AP2A2: variants seen among roughly 807,000 people sequenced by gnomAD.
AP2A2 encodes the protein adaptor related protein complex 2 subunit alpha 2, also known as AP-2 complex subunit alpha-2.
AP2A2 carries 32 observed loss-of-function variants against 104.2 expected under a neutral mutation model. That is an observed-to-expected ratio of 0.31 (90% CI 0.23 to 0.41). AP2A2 has a LOEUF of 0.41. AP2A2 is among the 10% of genes least tolerant of loss of function. The probability of loss-of-function intolerance (pLI) is 1.00; values close to 1 mark genes in which losing one functional copy is unlikely to be tolerated. For synonymous variants in AP2A2, 539 were observed against 533.3 expected (o/e 1.01, Z -0.15); for missense variants, 912 against 1,261.0 (o/e 0.72, Z 4.19).
rs1854356827 is a variant in AP2A2, at chr11:959,518, A to G, written c.136+13A>G. On this transcript the variant is annotated intron_variant, in intron 2 of 21. Transcript: ENST00000448903. ...TCAAAATTTAAAGGTAAGTATGTTT[A>G]ACCTTTTCCATGAAATGTCCTGTTG... 6.6e-7 allele frequency: 1 copy of G among 1,505,596 alleles called. No individual in the cohort carries two copies. The highest frequency in any genetic ancestry group is 9.2e-7 in the Non-Finnish European group (1 of 1,092,644). The allele number at this position is 1,505,596 out of a possible 1,614,324, so 93.3% of individuals were successfully genotyped here. A position where few individuals can be genotyped will look rare whatever the true frequency, so the allele number is the denominator to read the frequency against.
chr11:946,129 C>T (rs756289608), intron 1 of AP2A2, among the ~76,000 whole-genome samples: 24 of 152,148 alleles, frequency 1.6e-4, no homozygotes, highest in African/African-American at 4.3e-4. Context: ...TGTCAGAACG[C>T]GAAATTAACC....
chr11:964,803 T>G lies in AP2A2; in HGVS notation c.136+5298T>G, dbSNP rs1854558789. Among the ~76,000 whole-genome samples, 3 of 135,568 alleles carry G rather than the reference T, an allele frequency of 2.2e-5. 1 individual carries two copies. Among genetic ancestry groups the G allele is most frequent in the South Asian group, 2.2e-4 (1 of 4,600 alleles). The allele number at this position is 135,568 out of a possible 152,430, so 88.9% of individuals were successfully genotyped here. A position where few individuals can be genotyped will look rare whatever the true frequency, so the allele number is the denominator to read the frequency against. ...AAGGAAATAATCCCAGATGGAAGCG[T>G]GGAAATGGAAAGCATGGAACGGGCA... On this transcript the variant is annotated intron_variant, in intron 2 of 21. Transcript: ENST00000448903.
At chr11:967,934 A>G (rs1854678218) in intron 2 of AP2A2, among the ~76,000 whole-genome samples, 1 of 152,146 alleles carries the variant, frequency 6.6e-6, no homozygotes, top group Non-Finnish European at 1.5e-5. Context: ...TAAAAAAGTA[A>G]TTCTAGCCTA....
chr11:977,335 G>C, intron 5 of AP2A2, 111 bp downstream of exon 5: 2 of 1,414,806 alleles, frequency 1.4e-6, no homozygotes, highest in Admixed American at 5.2e-5. Flanking sequence ...GGCTGTCACA[G>C]GGGCTGCTGT....
Position 970,213 on chromosome 11 carries a change from A to C in AP2A2, c.181A>C (p.Lys61Gln). ...DGYSKKKYVC[K>Q]LLFIFLLGHD... ...CTATAGTAAAAAAAAGTACGTCTGC[A>C]AGTTGCTCTTCATCTTTCTCCTTGG... is the stretch of plus-strand genomic sequence containing the variant. Residue 61 changes from lysine to glutamine, a missense_variant, in exon 3 of 22, where the codon AAG (lysine) becomes CAG (glutamine). Physicochemically the swap from Lys to Gln is moderately conservative, Grantham distance 53 (BLOSUM62 1). This residue lies in a region of AP2A2 where 17 missense variants were observed against 57.3 expected (regional missense o/e 0.30). Transcript: ENST00000448903. 1 of 1,614,000 alleles carries C rather than the reference A, an allele frequency of 6.2e-7. No individual in the cohort carries two copies.
At chr11:995,608 C>G (rs1046980567) in intron 14 of AP2A2, among the ~76,000 whole-genome samples, 2 of 151,322 alleles carry the variant, frequency 1.3e-5, no homozygotes, top group African/African-American at 4.9e-5. Context: ...TCCTGGCACT[C>G]CTTGGCGGGG....
At chr11:978,391 G>C (rs1009535872) in intron 5 of AP2A2, among the ~76,000 whole-genome samples, 1 of 152,202 alleles carries the variant, frequency 6.6e-6, no homozygotes, top group Non-Finnish European at 1.5e-5. Context: ...TTTCAGGGTG[G>C]CAGGGCCTTG....
chr11:940,645 G>A (rs1353040507), intron 1 of AP2A2: 3 of 354,212 alleles, frequency 8.5e-6, no homozygotes, highest in Non-Finnish European at 1.7e-5. Context: ...TTCCTTTGGC[G>A]TTTCCTTCTG....
chr11:984,589 C>G lies in AP2A2; in HGVS notation c.706-56C>G, dbSNP rs116340986. 893 of 1,425,876 alleles carry G rather than the reference C, an allele frequency of 6.3e-4. 4 individuals are homozygous for G. In the African/African-American group the frequency reaches 0.012, roughly 18 times the overall value. 88.3% of individuals were successfully genotyped at this position (1,425,876 alleles called of 1,614,324 possible). ...AGTGAGTATGGCTTTTCTTTGGGTCCCCGCAGTAGGGGCTCGTGTCCGGCA... is the reference window on the plus strand; with the variant it reads ...AGTGAGTATGGCTTTTCTTTGGGTCGCCGCAGTAGGGGCTCGTGTCCGGCA... On this transcript the variant is annotated intron_variant, in intron 6 of 21. Transcript: ENST00000448903.
intron 2 of AP2A2, among the ~76,000 whole-genome samples, chr11:965,495 A>T (rs1030169470): frequency 1.3e-5 from 2 of 152,116 alleles, no homozygotes; most frequent in African/African-American, 4.8e-5. Flanking sequence ...TGACCATCTG[A>T]TGTGTGGCCT....
At chr11:941,344 T>A (rs1413887433) in intron 1 of AP2A2, among the ~76,000 whole-genome samples, 1 of 152,208 alleles carries the variant, frequency 6.6e-6, no homozygotes, top group Non-Finnish European at 1.5e-5. Context: ...TGATGACTGA[T>A]TGTTTCTACA....
intron 1 of AP2A2, among the ~76,000 whole-genome samples, chr11:951,615 C>T (rs1220574420): frequency 6.6e-6 from 1 of 152,058 alleles, no homozygotes; most frequent in East Asian, 1.9e-4. Context: ...CCTTATTTCA[C>T]ACTTCTCATC....
chr11:941,025 C>A, intron 1 of AP2A2: 1 of 404,506 alleles, frequency 2.5e-6, no homozygotes, highest in Non-Finnish European at 4.9e-6. Context: ...GAGCTCGGAG[C>A]TTTTGTGTTC....
intron 15 of AP2A2, chr11:1,001,368 C>T (rs1024874329): frequency 6.6e-6 from 1 of 152,462 alleles, no homozygotes; most frequent in Non-Finnish European, 1.5e-5. Flanking sequence ...GAGGTGCCCC[C>T]TTTCCTGGAG....
intron 1 of AP2A2, among the ~76,000 whole-genome samples, chr11:929,293 C>T (rs1245571375): frequency 7.2e-5 from 11 of 152,124 alleles, no homozygotes; most frequent in African/African-American, 9.7e-5. Flanking sequence ...TAGGAGTAGT[C>T]GGGCCCTGTG....
chr11:941,648 C>T (rs1472218911), intron 1 of AP2A2, among the ~76,000 whole-genome samples: 2 of 151,188 alleles, frequency 1.3e-5, no homozygotes, highest in East Asian at 2.0e-4. Context: ...AGTGCAGTGG[C>T]GTGATCTCGG....
intron 1 of AP2A2, among the ~76,000 whole-genome samples, chr11:928,439 C>T (rs141529723): frequency 1.3e-5 from 2 of 152,298 alleles, no homozygotes; most frequent in Non-Finnish European, 2.9e-5. Context: ...TGCCTTGGAA[C>T]GTATACCTGT....
rs761173840 is a variant in AP2A2 at position 926,108 on chromosome 11, T to TGGGGCCGGGGCC, written c.67+28_67+39dup. On this transcript the variant is annotated intron_variant, in intron 1 of 21. Coordinates refer to ENST00000448903, the MANE Select transcript of AP2A2 (RefSeq NM_012305.4). ...GCAACTGTGAGTGGCGGGGGCGGCG[T>TGGGGCCGGGGCC]GGGGCCGGGGCCGGGGCCGCCGGCG... 1 of 1,272,756 alleles carries TGGGGCCGGGGCC rather than the reference T, an allele frequency of 7.9e-7. No homozygotes were observed. The highest frequency in any genetic ancestry group is 1.0e-6 in the Non-Finnish European group (1 of 998,170). 78.8% of individuals were successfully genotyped at this position (1,272,756 alleles called of 1,614,324 possible). A position where few individuals can be genotyped will look rare whatever the true frequency, so the allele number is the denominator to read the frequency against.
chr11:998,852 C>A (rs149221198), intron 14 of AP2A2, among the ~76,000 whole-genome samples: 1 of 152,178 alleles, frequency 6.6e-6, no homozygotes, highest in South Asian at 2.1e-4. Context: ...TGCCACCACA[C>A]CCAGCTAATT....
Sources: allele counts gnomAD v4.1 joint callset (sites outside exome capture counted in the v4.1 genomes callset), GRCh38; gene constraint gnomAD v4.1.1; regional missense constraint gnomAD v4.1.1; transcripts MANE v1.5; gene names NCBI Gene and HGNC (gene_info 2026-07-23, HGNC 2026-07-21).